Variants in GRIP1 observed in about 807,000 individuals in gnomAD.
GRIP1 encodes glutamate receptor-interacting protein 1.
Under a neutral mutation model 129.9 loss-of-function variants are expected in GRIP1, and 45 were observed. That is an observed-to-expected ratio of 0.35 (90% CI 0.27 to 0.44). The LOEUF (loss-of-function observed/expected upper bound fraction) is 0.44. Among genes scored for constraint, GRIP1 ranks in the 20% least tolerant of loss-of-function variants. The probability of loss-of-function intolerance (pLI) is 1.00; values close to 1 mark genes in which losing one functional copy is unlikely to be tolerated. For synonymous variants in GRIP1, 530 were observed against 520.8 expected (o/e 1.02, Z -0.24); for missense variants, 1,196 against 1,396.8 (o/e 0.86, Z 2.29).
At chr12:66,596,586 T>C (rs2064059844) in intron 2 of GRIP1, among the ~76,000 whole-genome samples, 1 of 152,072 alleles carries the variant, frequency 6.6e-6, no homozygotes, top group South Asian at 2.1e-4. Flanking sequence ...ATGAGTAGAG[T>C]TGATACAAAT....
At chr12:66,649,105 A>G (rs1188718440) in intron 1 of GRIP1, among the ~76,000 whole-genome samples, 1 of 152,260 alleles carries the variant, frequency 6.6e-6, no homozygotes, top group Non-Finnish European at 1.5e-5. Flanking sequence ...GCTTAAAAAA[A>G]GAATCTATAT....
chr12:66,984,435 T>G (rs1430116617), intron 1 of GRIP1, among the ~76,000 whole-genome samples: 2 of 152,212 alleles, frequency 1.3e-5, no homozygotes, highest in Non-Finnish European at 2.9e-5. Flanking sequence ...ATTGTCTTCA[T>G]AAAACATCAG....
At position 66,538,763 on chromosome 12, in the gene GRIP1, C is replaced by T. The variant is rs538699736; in HGVS notation, c.418+315G>A. On this transcript the variant is annotated intron_variant, in intron 4 of 24. Transcript: ENST00000359742. ...GACTACAGGTGTGCACCACCATGCC[C>T]GACTAATTTTTCTATTTTTTGTAGA... is the stretch of plus-strand genomic sequence containing the variant. 4.0e-4 allele frequency among the ~76,000 whole-genome samples: 60 copies of T among 151,444 alleles called. No individual in the cohort carries two copies. The Middle Eastern group carries it at 0.01, about 26-fold the overall frequency.
At chr12:66,828,271 A>G (rs1245579796) in intron 1 of GRIP1, among the ~76,000 whole-genome samples, 1 of 152,214 alleles carries the variant, frequency 6.6e-6, no homozygotes, top group African/African-American at 2.4e-5. Context: ...GGTTAAAGAG[A>G]GCAAGAGACT....
intron 1 of GRIP1, among the ~76,000 whole-genome samples, chr12:66,767,176 T>C (rs1360233685): frequency 6.6e-6 from 1 of 152,236 alleles, no homozygotes; most frequent in African/African-American, 2.4e-5. Flanking sequence ...GTAAATGCTT[T>C]TATTTTATTT....
chr12:66,876,559 C>T (rs965468250), intron 1 of GRIP1, among the ~76,000 whole-genome samples: 7 of 152,052 alleles, frequency 4.6e-5, no homozygotes, highest in African/African-American at 1.7e-4. Context: ...AATATAGCAG[C>T]TACAGACATA....
chr12:66,822,443 G>T (rs1363412156), intron 1 of GRIP1, among the ~76,000 whole-genome samples: 1 of 152,186 alleles, frequency 6.6e-6, no homozygotes, highest in African/African-American at 2.4e-5. Flanking sequence ...GCAGTTTGGA[G>T]ATTTCTCAAA....
At chr12:66,589,058 T>C (rs1247390457) in intron 2 of GRIP1, among the ~76,000 whole-genome samples, 2 of 151,880 alleles carry the variant, frequency 1.3e-5, no homozygotes, top group Non-Finnish European at 2.9e-5. Flanking sequence ...GGGGAATTAA[T>C]AAAACTTATT....
intron 19 of GRIP1, among the ~76,000 whole-genome samples, chr12:66,383,409 T>C (rs917061740): frequency 7.2e-5 from 11 of 152,258 alleles, no homozygotes; most frequent in Admixed American, 6.5e-4. Flanking sequence ...AGGTCCTCGA[T>C]TCTATCAGTG....
At chr12:66,637,457 T>A (rs150398747) in intron 1 of GRIP1, among the ~76,000 whole-genome samples, 1,985 of 152,134 alleles carry the variant, frequency 0.013, 47 homozygotes, top group African/African-American at 0.046. Context: ...GTATACATAG[T>A]AACAATTTAA....
chr12:66,348,884 A>C lies in GRIP1; in HGVS notation c.*135T>G. ...GGGAAGTGAACATGAGCCATGAGAG[A>C]GATTTAAAAGACCCCTGTGCTTGCA... On this transcript the variant is annotated 3_prime_UTR_variant, in exon 25 of 25. Transcript: ENST00000359742. The C allele has an allele frequency of 1.3e-6, 1 of 762,202 alleles. No individual in the cohort carries two copies. The highest frequency in any genetic ancestry group is 1.4e-5 in the South Asian group (1 of 69,680). The allele number at this position is 762,202 out of a possible 1,614,324, so 47.2% of individuals were successfully genotyped here.
chr12:66,636,537 T>A (rs538915493), intron 1 of GRIP1, among the ~76,000 whole-genome samples: 1 of 152,266 alleles, frequency 6.6e-6, no homozygotes, highest in South Asian at 2.1e-4. Flanking sequence ...GTGTCTCCCA[T>A]CCACCCTAAA....
chr12:66,823,660 T>C (rs1430170887), intron 1 of GRIP1, among the ~76,000 whole-genome samples: 1 of 152,162 alleles, frequency 6.6e-6, no homozygotes, highest in East Asian at 1.9e-4. Flanking sequence ...AATCAAGAAT[T>C]TACTCAGTAA....
intron 1 of GRIP1, among the ~76,000 whole-genome samples, chr12:66,668,926 G>A (rs564900934): frequency 6.6e-6 from 1 of 152,134 alleles, no homozygotes; most frequent in South Asian, 2.1e-4. Flanking sequence ...CTCCAGCTGG[G>A]CAACAGAGAG....
At chr12:66,929,972 G>A (rs1045811356) in intron 1 of GRIP1, among the ~76,000 whole-genome samples, 4 of 150,026 alleles carry the variant, frequency 2.7e-5, no homozygotes, top group Non-Finnish European at 4.4e-5. Context: ...ATTTTAATTC[G>A]CCATTTCATT....
At chr12:66,738,514 C>T (rs991965807) in intron 1 of GRIP1, among the ~76,000 whole-genome samples, 8 of 152,256 alleles carry the variant, frequency 5.3e-5, no homozygotes, top group African/African-American at 1.9e-4. Flanking sequence ...AACCACCACG[C>T]CCACCCACTT....
At chr12:66,510,352 G>A (rs1354089037) in intron 7 of GRIP1, among the ~76,000 whole-genome samples, 1 of 151,988 alleles carries the variant, frequency 6.6e-6, no homozygotes, top group East Asian at 1.9e-4. Flanking sequence ...TCAGTCCTTG[G>A]GCCTCTCTCT....
At chr12:66,865,210 A>C (rs566090628) in intron 1 of GRIP1, among the ~76,000 whole-genome samples, 1 of 152,240 alleles carries the variant, frequency 6.6e-6, no homozygotes, top group African/African-American at 2.4e-5. Context: ...ATATGAAAAA[A>C]GTTCATGTTG....
chr12:66,758,939 C>A (rs1252951626), intron 1 of GRIP1, among the ~76,000 whole-genome samples: 1 of 152,160 alleles, frequency 6.6e-6, no homozygotes, highest in African/African-American at 2.4e-5. Context: ...TGAGTGTCTG[C>A]AGCTTTTCCA....
Sources: gnomAD v4.1 joint callset for allele counts (sites outside exome capture counted in the v4.1 genomes callset) on GRCh38, gnomAD v4.1.1 for gene constraint, MANE v1.5 for transcripts, NCBI Gene and HGNC (gene_info 2026-07-23, HGNC 2026-07-21) for gene names.